The following CCDC144A variants were observed in gnomAD, a reference collection of about 807,000 sequenced individuals.
CCDC144A encodes coiled-coil domain containing 144A, also known as coiled-coil domain-containing protein 144A.
A neutral mutation model predicts 143.8 loss-of-function variants in CCDC144A; 41 were observed. The observed-to-expected ratio is 0.29, with a 90% CI of 0.22 to 0.37. CCDC144A has a LOEUF of 0.37. Ranked by LOEUF, CCDC144A falls within the 10% of genes least tolerant of loss-of-function variation. CCDC144A has a pLI of 1.00. For synonymous variants in CCDC144A, 242 were observed against 517.9 expected (o/e 0.47, Z 7.23); for missense variants, 637 against 1,488.8 (o/e 0.43, Z 9.41).
intron 12 of CCDC144A, among the ~76,000 whole-genome samples, chr17:16,739,221 A>C (rs979079084): frequency 7.6e-5 from 10 of 131,812 alleles, no homozygotes; most frequent in African/African-American, 3.1e-4. Context: ...AATATTTTCA[A>C]TGGCTTTCCT....
the CCDC144A span, among the ~76,000 whole-genome samples, chr17:16,677,291 C>T: frequency 5.3e-5 from 8 of 152,056 alleles, no homozygotes; most frequent in South Asian, 2.1e-4. Flanking sequence ...ACAAGTTATG[C>T]GGGCAAATGT....
intron 6 of CCDC144A, 118 bp from the exon 7 acceptor site, chr17:16,720,080 T>G: frequency 1.5e-6 from 2 of 1,294,828 alleles, no homozygotes; most frequent in East Asian, 5.5e-5. Flanking sequence ...ACCTATACAC[T>G]TGATGAATAG....
chr17:16,690,228 TG>T (rs1238131464), upstream of CCDC144A: 14 of 495,848 alleles, frequency 2.8e-5, no homozygotes, highest in Non-Finnish European at 4.7e-5. Flanking sequence ...CGGATTGGCT[TG>T]GCCTTACCCA....
At chr17:16,682,883 G>GTTTTTTTTTTTTTTTTTTTTTTT in the CCDC144A span, among the ~76,000 whole-genome samples, 4 of 46,456 alleles carry the variant, frequency 8.6e-5, 2 homozygotes, top group Non-Finnish European at 2.0e-4. Context: ...TGGATTCTCT[G>GTTTTTTTTTTTTTTTTTTTTTTT]TTTTTTTTTT....
At chr17:16,708,765 G>A (rs769384346) in intron 4 of CCDC144A, 31 bp from the exon 5 acceptor site, 157 of 1,611,120 alleles carry the variant, frequency 9.7e-5, no homozygotes, top group Non-Finnish European at 1.2e-4. Context: ...AATAAAACAA[G>A]CAAATTAATC....
chr17:16,698,414 T>C (rs531344778), intron 2 of CCDC144A, among the ~76,000 whole-genome samples: 49 of 152,154 alleles, frequency 3.2e-4, no homozygotes, highest in African/African-American at 1.1e-3. Flanking sequence ...AGTTGTGGGG[T>C]TCGCTGTTTA....
the CCDC144A span, among the ~76,000 whole-genome samples, chr17:16,676,806 C>T: frequency 3.3e-5 from 5 of 152,008 alleles, no homozygotes; most frequent in Non-Finnish European, 1.5e-5. Context: ...ATAAACAATT[C>T]CCCCTCACTG....
intron 8 of CCDC144A, among the ~76,000 whole-genome samples, chr17:16,726,616 C>G (rs1362447721): frequency 1.3e-5 from 2 of 151,950 alleles, no homozygotes; most frequent in Admixed American, 6.6e-5. Context: ...AATGGACACT[C>G]TTTTTGGCAC....
intron 15 of CCDC144A, among the ~76,000 whole-genome samples, chr17:16,769,944 C>T (rs1301773883): frequency 6.6e-6 from 1 of 151,594 alleles, no homozygotes; most frequent in Non-Finnish European, 1.5e-5. Flanking sequence ...TCTCCTGCCT[C>T]AGCCTCCTGA....
At chr17:16,678,188 GA>G in the CCDC144A span, among the ~76,000 whole-genome samples, 1 of 151,950 alleles carries the variant, frequency 6.6e-6, no homozygotes, top group Non-Finnish European at 1.5e-5. Context: ...TACATCCCCT[GA>G]TCTGAAAACT....
intron 15 of CCDC144A, among the ~76,000 whole-genome samples, chr17:16,768,538 A>G: frequency 6.6e-6 from 1 of 152,240 alleles, no homozygotes; most frequent in Non-Finnish European, 1.5e-5. Context: ...CTTGCCACTT[A>G]ACACCATTGT....
intron 6 of CCDC144A, among the ~76,000 whole-genome samples, chr17:16,716,728 A>C (rs2143159784): frequency 6.6e-6 from 1 of 152,248 alleles, no homozygotes; most frequent in Middle Eastern, 3.4e-3. Flanking sequence ...TATTATATTT[A>C]AAAACAAAAC....
At chr17:16,733,953 C>A (rs1913873915) in intron 11 of CCDC144A, among the ~76,000 whole-genome samples, 1 of 152,052 alleles carries the variant, frequency 6.6e-6, no homozygotes. Context: ...GCCTGGGCAG[C>A]ATGGCGAAAC....
chr17:16,756,737 A>G (rs1345475221), intron 12 of CCDC144A, among the ~76,000 whole-genome samples: 2 of 151,682 alleles, frequency 1.3e-5, no homozygotes, highest in African/African-American at 4.9e-5. Flanking sequence ...ATAACTGTGC[A>G]GCTGGTGTAA....
chr17:16,712,570 T>C (rs1912516623), intron 6 of CCDC144A, among the ~76,000 whole-genome samples: 1 of 152,036 alleles, frequency 6.6e-6, no homozygotes, highest in Non-Finnish European at 1.5e-5. Flanking sequence ...TACAATAGGC[T>C]AATAGGTTAA....
intron 2 of CCDC144A, among the ~76,000 whole-genome samples, chr17:16,703,579 C>T (rs1597537440): frequency 2.0e-5 from 3 of 152,100 alleles, no homozygotes; most frequent in South Asian, 2.1e-4. Context: ...CCAAGGCGGG[C>T]GGATTACGAG....
At chr17:16,733,673 G>T (rs1442648772) in intron 11 of CCDC144A, among the ~76,000 whole-genome samples, 2 of 150,712 alleles carry the variant, frequency 1.3e-5, no homozygotes, top group African/African-American at 2.4e-5. Context: ...CTGGTGTTTT[G>T]AAATAAGCCT....
chr17:16,758,982 G>A (rs2688001), intron 12 of CCDC144A, among the ~76,000 whole-genome samples: 9 of 152,348 alleles, frequency 5.9e-5, no homozygotes, highest in South Asian at 2.1e-4. Context: ...CTTAAGATGC[G>A]TATACCCTTA....
chr17:16,707,173 T>G, intron 3 of CCDC144A: 1 of 299,010 alleles, frequency 3.3e-6, no homozygotes, highest in Non-Finnish European at 6.2e-6. Context: ...AATTTTGTTT[T>G]GTTTGTGATG....
Sources: allele counts gnomAD v4.1 joint callset (sites outside exome capture counted in the v4.1 genomes callset), GRCh38; gene constraint gnomAD v4.1.1; transcripts MANE v1.5; gene names NCBI Gene and HGNC (gene_info 2026-07-23, HGNC 2026-07-21).